The following CDYL variants were observed in gnomAD, a reference collection of about 807,000 sequenced individuals.
CDYL encodes chromodomain Y like.
Under a neutral mutation model 47.3 loss-of-function variants are expected in CDYL, and 8 were observed. The ratio of observed to expected loss-of-function variants is 0.17; its 90% confidence interval spans 0.10 to 0.31. The LOEUF is 0.31. Ranked by LOEUF, CDYL falls within the 10% of genes least tolerant of loss-of-function variation. The probability of loss-of-function intolerance (pLI) is 1.00; values close to 1 mark genes in which losing one functional copy is unlikely to be tolerated. For missense variants in CDYL, 471 were observed against 701.4 expected (o/e 0.67, Z 3.71); for synonymous variants, 266 against 265.0 (o/e 1.00, Z -0.04).
At chr6:4,824,216 C>T (rs1351910082) in intron 1 of CDYL, among the ~76,000 whole-genome samples, 1 of 152,092 alleles carries the variant, frequency 6.6e-6, no homozygotes, top group Admixed American at 6.6e-5. Context: ...AATTGAGTCC[C>T]TGTTTTCAGG....
At chr6:4,726,781 A>C (rs887051017) in intron 2 of CDYL, among the ~76,000 whole-genome samples, 1 of 151,422 alleles carries the variant, frequency 6.6e-6, no homozygotes, top group East Asian at 1.9e-4. Flanking sequence ...TTCCTCACAC[A>C]ATGATATCAT....
chr6:4,759,171 G>A (rs942943601), intron 3 of CDYL, among the ~76,000 whole-genome samples: 18 of 151,740 alleles, frequency 1.2e-4, no homozygotes, highest in Non-Finnish European at 1.3e-4. Context: ...GGGTTTCACC[G>A]TGTTACCCAG....
At chr6:4,852,435 CCTTCCTTCCTTCCAAT>C (rs1341440195) in intron 1 of CDYL, among the ~76,000 whole-genome samples, 1 of 128,916 alleles carries the variant, frequency 7.8e-6, no homozygotes, top group Non-Finnish European at 1.7e-5. Context: ...CTTCCTCCTT[CCTTCCTTCCTTCCAAT>C]CTTCCTTCCT....
At chr6:4,742,630 A>G (rs539707824) in intron 3 of CDYL, among the ~76,000 whole-genome samples, 1 of 152,294 alleles carries the variant, frequency 6.6e-6, no homozygotes, top group East Asian at 1.9e-4. Flanking sequence ...GTATTGGTCC[A>G]TAGCAATGAT....
intron 3 of CDYL, among the ~76,000 whole-genome samples, chr6:4,747,286 G>A (rs541817703): frequency 5.5e-5 from 7 of 128,014 alleles, no homozygotes; most frequent in African/African-American, 1.5e-4. Flanking sequence ...CAGCCTGGGC[G>A]ACACAGCATG....
chr6:4,723,804 A>C (rs1479161783), intron 2 of CDYL, among the ~76,000 whole-genome samples: 1 of 152,228 alleles, frequency 6.6e-6, no homozygotes, highest in African/African-American at 2.4e-5. Flanking sequence ...GGAAACATCA[A>C]GTCGTTATTT....
intron 1 of CDYL, among the ~76,000 whole-genome samples, chr6:4,849,539 A>T (rs1209139575): frequency 6.6e-6 from 1 of 152,014 alleles, no homozygotes; most frequent in Non-Finnish European, 1.5e-5. Context: ...TTGCTAAGTT[A>T]TTTGGGGGAA....
At chr6:4,727,093 A>C (rs1428481982) in intron 2 of CDYL, among the ~76,000 whole-genome samples, 2 of 152,158 alleles carry the variant, frequency 1.3e-5, no homozygotes, top group Non-Finnish European at 2.9e-5. Flanking sequence ...AATTTAAAAA[A>C]TATATTTTCC....
At chr6:4,889,859 A>T in intron 1 of CDYL, 2 of 542,392 alleles carry the variant, frequency 3.7e-6, no homozygotes, top group Non-Finnish European at 4.7e-6. Context: ...GCACACACCT[A>T]CCGTTAGCTG....
In CDYL at chr6:4,812,001, C is replaced by T. The variant is rs148197564; in HGVS notation, c.24+35194C>T. Among the ~76,000 whole-genome samples the T allele has an allele frequency of 2.5e-3, 385 of 152,294 alleles. 1 individual carries two copies. Among genetic ancestry groups the T allele is most frequent in the Non-Finnish European group, 4.3e-3 (292 of 68,032 alleles). On this transcript the variant is annotated intron_variant, in intron 1 of 6. Coordinates refer to ENST00000397588, the MANE Select transcript of CDYL (RefSeq NM_004824.4). ...AGGGTGGTCCATGGACTGGCAGCAG[C>T]ATCAAGCTTGCTGGAGTTGGTTAGA...
chr6:4,708,145 TACACACACACACACACACACAC>T (rs66538207), intron 1 of CDYL, among the ~76,000 whole-genome samples: 1 of 149,506 alleles, frequency 6.7e-6, no homozygotes, highest in East Asian at 2.0e-4. Flanking sequence ...TTGTGTTGTG[TACACACACACACACACACACAC>T]ACACACACAC....
At chr6:4,839,785 T>C (rs529526481) in intron 1 of CDYL, among the ~76,000 whole-genome samples, 1 of 152,204 alleles carries the variant, frequency 6.6e-6, no homozygotes, top group Non-Finnish European at 1.5e-5. Context: ...TATGTGCTTA[T>C]TTTTATACCA....
intron 2 of CDYL, among the ~76,000 whole-genome samples, chr6:4,893,074 CTG>C (rs1383914539): frequency 6.6e-6 from 1 of 152,258 alleles, no homozygotes; most frequent in African/African-American, 2.4e-5. Context: ...ACTTGCCACA[CTG>C]TGCCGGCCAC....
At chr6:4,953,744 A>G (rs1319165197) in intron 6 of CDYL, among the ~76,000 whole-genome samples, 154 bp from the exon 7 acceptor site, 5 of 152,220 alleles carry the variant, frequency 3.3e-5, no homozygotes, top group African/African-American at 7.2e-5. Context: ...CTTTATACAT[A>G]TGTTAGGCCC....
intron 1 of CDYL, among the ~76,000 whole-genome samples, chr6:4,871,508 G>T (rs1278352184): frequency 6.6e-6 from 1 of 152,172 alleles, no homozygotes; most frequent in Non-Finnish European, 1.5e-5. Flanking sequence ...TATAATGGAA[G>T]ACTGCAGTTA....
chr6:4,851,604 G>C (rs1162773067), intron 1 of CDYL, among the ~76,000 whole-genome samples: 1 of 152,182 alleles, frequency 6.6e-6, no homozygotes, highest in Non-Finnish European at 1.5e-5. Context: ...GGGATTTTCA[G>C]GTGGGCACGA....
intron 1 of CDYL, among the ~76,000 whole-genome samples, chr6:4,815,603 A>G (rs1759649636): frequency 6.6e-6 from 1 of 150,604 alleles, no homozygotes; most frequent in African/African-American, 2.4e-5. Flanking sequence ...ACTGGTTATT[A>G]TCAGTCTTTA....
intron 3 of CDYL, among the ~76,000 whole-genome samples, chr6:4,764,634 T>C (rs982660639): frequency 3.9e-5 from 6 of 152,188 alleles, no homozygotes; most frequent in Non-Finnish European, 4.4e-5. Flanking sequence ...AAAAGCATTA[T>C]TGGTGTCTTT....
intron 1 of CDYL, among the ~76,000 whole-genome samples, chr6:4,823,860 A>G (rs1208686416): frequency 6.6e-6 from 1 of 152,224 alleles, no homozygotes; most frequent in Non-Finnish European, 1.5e-5. Context: ...CCCAAACAGA[A>G]ACTCTGTAAC....
Sources: gnomAD v4.1 joint callset for allele counts (sites outside exome capture counted in the v4.1 genomes callset) on GRCh38, gnomAD v4.1.1 for gene constraint, MANE v1.5 for transcripts, NCBI Gene and HGNC (gene_info 2026-07-23, HGNC 2026-07-21) for gene names.